Variants in VPS13A observed in about 807,000 individuals in gnomAD.
VPS13A encodes the protein intermembrane lipid transfer protein VPS13A.
A neutral mutation model predicts 390.9 loss-of-function variants in VPS13A; 264 were observed. The ratio of observed to expected loss-of-function variants is 0.68; its 90% CI spans 0.61 to 0.75. The LOEUF (loss-of-function observed/expected upper bound fraction) is 0.75. Ranked by LOEUF, VPS13A falls within the 30% of genes least tolerant of loss-of-function variation. The probability of loss-of-function intolerance (pLI) is 0.00; values close to 1 mark genes in which losing one functional copy is unlikely to be tolerated. For missense variants in VPS13A, 3,409 were observed against 3,733.9 expected, an observed-to-expected ratio of 0.91 and a Z score of 2.27; for synonymous variants, 1,231 against 1,227.1, an observed-to-expected ratio of 1.00 and a Z score of -0.07.
Position 77,295,590 on chromosome 9 carries a change from A to G in VPS13A, c.3556A>G (p.Thr1186Ala), listed in dbSNP as rs542933158. Residue 1186 changes from threonine to alanine, a missense_variant, in exon 33 of 72, where the codon ACT (threonine) becomes GCT (alanine). Around this residue, in one of 5 missense-constraint regions of VPS13A, gnomAD observed 2,717 missense variants for 2,917.4 expected, o/e 0.93. Transcript: ENST00000360280. ...QAAKQALAEA[T>A]VQAAGMAATG... The stretch of plus-strand genomic sequence containing the variant: ...AGCTAAACAAGCCTTGGCTGAGGCA[A>G]CTGTTCAGGCAGCTGGAATGGCTGC... The G allele has an allele frequency of 2.5e-6, 4 of 1,612,240 alleles. No homozygotes were observed. Among genetic ancestry groups the G allele is most frequent in the South Asian group, 1.1e-5 (1 of 90,922 alleles).
chr9:77,274,447 T>G (rs905701990), intron 24 of VPS13A, among the ~76,000 whole-genome samples: 2 of 141,922 alleles, frequency 1.4e-5, no homozygotes, highest in African/African-American at 2.6e-5. Flanking sequence ...AAAAAAAAAA[T>G]GACAGGGACC....
chr9:77,228,222 T>C lies in VPS13A; in HGVS notation c.1553T>C (p.Phe518Ser). 1 of 1,603,176 alleles carries C rather than the reference T, an allele frequency of 6.2e-7. No homozygotes were observed. Reference sequence around the variant, plus strand: ...CTGGTAGATATTGTAATAGAAGAATTTAGCACCTTAATTGTGCAAAGACCA... The same window carrying C: ...CTGGTAGATATTGTAATAGAAGAATCTAGCACCTTAATTGTGCAAAGACCA... ...PELVDIVIEE[F>S]STLIVQRPGA... is the part of the protein sequence containing the mutation. The change falls in exon 17 of 72, where the codon TTT becomes TCT. Residue 518 changes from phenylalanine (F) to serine (S), a missense_variant. This residue lies in a region of VPS13A where 2,717 missense variants were observed against 2,917.4 expected (regional missense o/e 0.93). Transcript: ENST00000360280.
chr9:77,410,851 T>C (rs1290221383), intron 71 of VPS13A, among the ~76,000 whole-genome samples: 1 of 152,186 alleles, frequency 6.6e-6, no homozygotes, highest in Non-Finnish European at 1.5e-5. Flanking sequence ...AATGGGAGAC[T>C]TTAACACCCC....
At chr9:77,262,083 CT>C (rs1374995424) in intron 23 of VPS13A, among the ~76,000 whole-genome samples, 1 of 152,080 alleles carries the variant, frequency 6.6e-6, no homozygotes, top group Non-Finnish European at 1.5e-5. Flanking sequence ...CTGTTCATGT[CT>C]TTTTTCTATT....
At chr9:77,377,956 A>G (rs546595033) in intron 67 of VPS13A, among the ~76,000 whole-genome samples, 17 of 152,356 alleles carry the variant, frequency 1.1e-4, no homozygotes, top group Middle Eastern at 3.4e-3. Context: ...CTAATGTAGT[A>G]TATTACATTA....
chr9:77,177,651 C>T lies in VPS13A; in HGVS notation c.-54C>T, dbSNP rs929961381. The T allele has an allele frequency of 4.6e-5, 71 of 1,527,984 alleles. No individual in the cohort carries two copies. Among genetic ancestry groups the T allele is most frequent in the African/African-American group, 1.2e-4 (9 of 73,276 alleles). 94.7% of individuals were successfully genotyped at this position (1,527,984 alleles called of 1,614,324 possible). ...CCTCGAGGGAGGGGCGTGGGGAAGG[C>T]GGCGGGAGGAGGAGCGCACGGGCCG... On this transcript the variant is annotated 5_prime_UTR_variant, in exon 1 of 72. Transcript: ENST00000360280.
Position 77,315,265 on chromosome 9 carries a change from G to A in VPS13A, c.4425G>A (p.Leu1475=). ...VKKATPRMIG[L]TVGFDKKDMM... is the part of the protein sequence containing the mutation. ...TTGTGTTTTCCAGAATGATAGGACT[G>A]ACAGTTGGTTTTGACAAAAAAGACA... Residue 1475 remains leucine (L), a synonymous_variant, in exon 38 of 72, where the codon CTG becomes CTA. Transcript: ENST00000360280. The A allele has an allele frequency of 6.2e-7, 1 of 1,613,842 alleles. No homozygotes were observed. Among genetic ancestry groups the A allele is most frequent in the Non-Finnish European group, 8.5e-7 (1 of 1,179,780 alleles).
In VPS13A at chr9:77,210,651, T is replaced by G. The variant is rs774869789; in HGVS notation, c.531T>G (p.Ile177Met). Residue 177 changes from isoleucine (I) to methionine (M), a missense_variant, in exon 7 of 72, where the codon ATT becomes ATG. Physicochemically the swap from Ile to Met is conservative, Grantham distance 10. Around this residue, in one of 5 missense-constraint regions of VPS13A, gnomAD observed 2,717 missense variants for 2,917.4 expected, o/e 0.93. Coordinates refer to ENST00000360280, the MANE Select transcript of VPS13A (RefSeq NM_033305.3). ...TNRDKPLSFG[I>M]SLQNLSMQTT... ...GGGACAAACCGCTGTCATTTGGTAT[T>G]TCCCTTCAAAATCTGAGCATGCAGG... is the stretch of plus-strand genomic sequence containing the variant. The G allele has an allele frequency of 2.4e-5, 38 of 1,613,914 alleles. No homozygotes were observed. Among genetic ancestry groups the G allele is most frequent in the Non-Finnish European group, 3.2e-5 (38 of 1,179,974 alleles).
At chr9:77,237,610 C>T (rs1470574039) in intron 17 of VPS13A, among the ~76,000 whole-genome samples, 1 of 152,182 alleles carries the variant, frequency 6.6e-6, no homozygotes, top group Non-Finnish European at 1.5e-5. Flanking sequence ...AGTTATCCAC[C>T]TGTCTTGACC....
rs541246875 is a variant in VPS13A at position 77,324,837 on chromosome 9, T to C, written c.5991+1610T>C. ...GACTGTAGGTGCACACCACCACACC[T>C]ATTCTCCCATCTTGCTCCGCCTCTC... On this transcript the variant is annotated intron_variant, in intron 45 of 71. Coordinates refer to ENST00000360280, the MANE Select transcript of VPS13A (RefSeq NM_033305.3). Among the ~76,000 whole-genome samples, 11 of 152,204 alleles carry C rather than the reference T, an allele frequency of 7.2e-5. 1 individual carries two copies. The highest frequency in any genetic ancestry group is 2.6e-4 in the African/African-American group (11 of 41,540).
chr9:77,398,464 G>A (rs141079397), intron 68 of VPS13A, among the ~76,000 whole-genome samples: 2 of 152,250 alleles, frequency 1.3e-5, no homozygotes, highest in Non-Finnish European at 2.9e-5. Context: ...GTTTCTTTGT[G>A]TGTAAAAGGA....
chr9:77,247,154 C>A, intron 19 of VPS13A, 105 bp from the exon 20 acceptor site: 1 of 981,078 alleles, frequency 1.0e-6, no homozygotes, highest in Non-Finnish European at 1.5e-6. Context: ...AAAATTAATA[C>A]TAATTTTACA....
At chr9:77,271,249 A>G (rs1564682585) in intron 23 of VPS13A, among the ~76,000 whole-genome samples, 1 of 152,226 alleles carries the variant, frequency 6.6e-6, no homozygotes, top group Non-Finnish European at 1.5e-5. Flanking sequence ...AAAGCCACAT[A>G]GAAATACTAC....
At chr9:77,301,442 A>G (rs1828346779) in intron 33 of VPS13A, among the ~76,000 whole-genome samples, 1 of 152,220 alleles carries the variant, frequency 6.6e-6, no homozygotes, top group South Asian at 2.1e-4. Context: ...ATGCAGGCAT[A>G]TGTAAGTTTG....
intron 19 of VPS13A, among the ~76,000 whole-genome samples, chr9:77,240,475 T>A (rs1002065976): frequency 3.5e-5 from 4 of 113,112 alleles, no homozygotes; most frequent in African/African-American, 1.2e-4. Flanking sequence ...TTGTTATGTT[T>A]TTGTTTTTTT....
chr9:77,196,336 A>G (rs1217746830), intron 1 of VPS13A, among the ~76,000 whole-genome samples: 1 of 152,212 alleles, frequency 6.6e-6, no homozygotes, highest in Non-Finnish European at 1.5e-5. Flanking sequence ...TGGTGAGGAC[A>G]TTCAAAATCT....
intron 19 of VPS13A, among the ~76,000 whole-genome samples, chr9:77,238,732 C>A (rs192846333): frequency 2.0e-5 from 3 of 152,210 alleles, no homozygotes; most frequent in African/African-American, 4.8e-5. Flanking sequence ...AAGTTCTATC[C>A]TTTTTTATTC....
chr9:77,408,678 G>A lies in VPS13A; in HGVS notation c.9474+1071G>A, dbSNP rs542288313. On this transcript the variant is annotated intron_variant, in intron 71 of 71. Coordinates refer to ENST00000360280, the MANE Select transcript of VPS13A (RefSeq NM_033305.3). ...CTGGCTCGGAGGGTCCTACGCCCAC[G>A]GAGCCTTGCTCATTGCTAGCACAGC... Among the ~76,000 whole-genome samples, 32 of 152,326 alleles carry A rather than the reference G, an allele frequency of 2.1e-4. No homozygotes were observed. The South Asian group carries it at 3.5e-3, about 17-fold the overall frequency.
chr9:77,267,043 A>T (rs775210152), intron 23 of VPS13A, among the ~76,000 whole-genome samples: 19 of 151,876 alleles, frequency 1.3e-4, no homozygotes, highest in Non-Finnish European at 1.2e-4. Context: ...TAAATTGGTT[A>T]TTCTAGTTAG....
Sources: gnomAD v4.1 joint callset for allele counts (sites outside exome capture counted in the v4.1 genomes callset) on GRCh38, gnomAD v4.1.1 for gene constraint, gnomAD v4.1.1 regional missense constraint, MANE v1.5 for transcripts, NCBI Gene and HGNC (gene_info 2026-07-23, HGNC 2026-07-21) for gene names.